EYA4: variants seen among roughly 807,000 people sequenced by gnomAD.
EYA4 encodes the protein protein phosphatase EYA4.
A neutral mutation model predicts 87.9 loss-of-function variants in EYA4; 31 were observed. The observed-to-expected ratio is 0.35, with a 90% CI of 0.27 to 0.48. The LOEUF (loss-of-function observed/expected upper bound fraction) is 0.48. Ranked by LOEUF, EYA4 falls within the 20% of genes least tolerant of loss-of-function variation. The pLI is 0.99. For missense variants in EYA4, 678 were observed against 761.4 expected (o/e 0.89, Z 1.29); for synonymous variants, 263 against 270.6 (o/e 0.97, Z 0.28).
intron 14 of EYA4, 75 bp downstream of exon 14, chr6:133,506,270 C>T (rs576747917): frequency 1.7e-5 from 14 of 819,636 alleles, no homozygotes; most frequent in Non-Finnish European, 2.9e-5. Context: ...CTGTAGATAA[C>T]CTCGAGAAAA....
At chr6:133,519,941 A>C (rs1799960145) in intron 17 of EYA4, among the ~76,000 whole-genome samples, 2 of 152,040 alleles carry the variant, frequency 1.3e-5, no homozygotes, top group African/African-American at 4.8e-5. Context: ...GACAAAATTC[A>C]ACAACCCTTC....
At chr6:133,449,185 T>G (rs1793160556) in intron 5 of EYA4, among the ~76,000 whole-genome samples, 1 of 152,230 alleles carries the variant, frequency 6.6e-6, no homozygotes, top group African/African-American at 2.4e-5. Context: ...GTAGGCCACA[T>G]GTCTGTGTTT....
At position 133,529,070 on chromosome 6, in the gene EYA4, G is replaced by A. The variant is rs983068379; in HGVS notation, c.*265G>A. 1.3e-5 allele frequency: 16 copies of A among 1,242,634 alleles called. No homozygotes were observed. The highest frequency in any genetic ancestry group is 1.6e-5 in the Non-Finnish European group (16 of 979,618). The allele number at this position is 1,242,634 out of a possible 1,614,324, so 77.0% of individuals were successfully genotyped here. A position where few individuals can be genotyped will look rare whatever the true frequency, so the allele number is the denominator to read the frequency against. On this transcript the variant is annotated 3_prime_UTR_variant, in exon 20 of 20. Coordinates refer to ENST00000355286, the MANE Select transcript of EYA4 (RefSeq NM_004100.5). ...GAGGTTGCTGGTACACACCAAATGA[G>A]TCCAAACTGGAATGAGCAGCTTTAG...
At chr6:133,356,828 A>T (rs1784087258) in intron 2 of EYA4, among the ~76,000 whole-genome samples, 1 of 147,202 alleles carries the variant, frequency 6.8e-6, no homozygotes, top group Admixed American at 6.8e-5. Flanking sequence ...TTTGAGACGG[A>T]TTCTCACTCT....
intron 3 of EYA4, among the ~76,000 whole-genome samples, chr6:133,437,698 G>C (rs947517182): frequency 6.6e-6 from 1 of 152,136 alleles, no homozygotes; most frequent in Non-Finnish European, 1.5e-5. Context: ...ATGGCAAAAG[G>C]TGACCGGGAA....
At chr6:133,252,985 A>T (rs9402496) in intron 1 of EYA4, among the ~76,000 whole-genome samples, 9,382 of 122,414 alleles carry the variant, frequency 0.077, 530 homozygotes, top group African/African-American at 0.17. Context: ...ACACACACAC[A>T]CACACTCACT....
At chr6:133,301,951 G>A (rs1281702900) in intron 2 of EYA4, among the ~76,000 whole-genome samples, 2 of 152,224 alleles carry the variant, frequency 1.3e-5, no homozygotes, top group African/African-American at 4.8e-5. Flanking sequence ...TGCCTGGGAC[G>A]AAGAGAGAGG....
chr6:133,241,987 T>A (rs1163732799), intron 1 of EYA4, among the ~76,000 whole-genome samples: 1 of 152,316 alleles, frequency 6.6e-6, no homozygotes, highest in East Asian at 1.9e-4. Flanking sequence ...CTCTCTGCCC[T>A]AGAAGACGTC....
chr6:133,357,945 T>C (rs1784191689), intron 2 of EYA4, among the ~76,000 whole-genome samples: 1 of 151,830 alleles, frequency 6.6e-6, no homozygotes, highest in Non-Finnish European at 1.5e-5. Context: ...AGAAAAATAA[T>C]TATCTATATT....
intron 9 of EYA4, among the ~76,000 whole-genome samples, chr6:133,463,611 A>C (rs1794599765): frequency 6.6e-6 from 1 of 151,940 alleles, no homozygotes; most frequent in Admixed American, 6.6e-5. Context: ...CCCGCCCGCC[A>C]CGGCCTCCCA....
intron 2 of EYA4, among the ~76,000 whole-genome samples, chr6:133,335,777 C>G (rs1782321016): frequency 6.6e-6 from 1 of 152,054 alleles, no homozygotes. Flanking sequence ...TGCAGTAAAG[C>G]TGTGCGGGTA....
At chr6:133,460,873 G>A (rs868055829) in intron 6 of EYA4, among the ~76,000 whole-genome samples, 1 of 152,106 alleles carries the variant, frequency 6.6e-6, no homozygotes, top group Non-Finnish European at 1.5e-5. Flanking sequence ...CTAATGATTT[G>A]AGAAACTGGA....
chr6:133,406,432 G>A (rs1348152292), intron 3 of EYA4, among the ~76,000 whole-genome samples: 1 of 152,174 alleles, frequency 6.6e-6, no homozygotes, highest in Admixed American at 6.5e-5. Flanking sequence ...TGTAAACGGG[G>A]GCACACCCAC....
At chr6:133,281,952 ATT>A (rs550586062) in intron 2 of EYA4, among the ~76,000 whole-genome samples, 4 of 151,296 alleles carry the variant, frequency 2.6e-5, no homozygotes, top group African/African-American at 4.9e-5. Flanking sequence ...AGATGATTTC[ATT>A]TTTTTTATGG....
intron 2 of EYA4, among the ~76,000 whole-genome samples, chr6:133,363,721 C>T (rs1267273515): frequency 1.3e-5 from 2 of 152,046 alleles, no homozygotes; most frequent in Non-Finnish European, 2.9e-5. Context: ...ATGATCCGCC[C>T]GCCTTGGCCT....
chr6:133,312,759 CTTCT>C (rs749665190), intron 2 of EYA4, among the ~76,000 whole-genome samples: 26 of 152,172 alleles, frequency 1.7e-4, no homozygotes, highest in Non-Finnish European at 3.7e-4. Context: ...TCTTTAATAG[CTTCT>C]TTGCTTCCAT....
At chr6:133,275,583 T>C (rs769204865) in intron 2 of EYA4, among the ~76,000 whole-genome samples, 3 of 152,072 alleles carry the variant, frequency 2.0e-5, no homozygotes, top group Non-Finnish European at 4.4e-5. Flanking sequence ...TATTAGCTTA[T>C]GTGATCATGA....
chr6:133,289,745 C>A (rs1349038859), intron 2 of EYA4, among the ~76,000 whole-genome samples: 1 of 151,872 alleles, frequency 6.6e-6, no homozygotes, highest in Non-Finnish European at 1.5e-5. Flanking sequence ...GTACTTGCCT[C>A]AAAGTACTTG....
chr6:133,326,939 C>G (rs1019083992), intron 2 of EYA4, among the ~76,000 whole-genome samples: 1 of 152,164 alleles, frequency 6.6e-6, no homozygotes, highest in Non-Finnish European at 1.5e-5. Context: ...TCCATCCCTC[C>G]TGCCCCTGTG....
Sources: allele counts gnomAD v4.1 joint callset (sites outside exome capture counted in the v4.1 genomes callset), GRCh38; gene constraint gnomAD v4.1.1; transcripts MANE v1.5; gene names NCBI Gene and HGNC (gene_info 2026-07-23, HGNC 2026-07-21).